Variants in CPQ observed in about 807,000 individuals in gnomAD.
CPQ encodes the protein Ser-Met dipeptidase.
Under a neutral mutation model 45.7 loss-of-function variants are expected in CPQ, and 37 were observed. The observed-to-expected ratio is 0.81, with a 90% CI of 0.62 to 1.07. CPQ has a LOEUF of 1.07. CPQ is among the 50% of genes least tolerant of loss of function. The pLI, the probability that CPQ is intolerant of heterozygous loss-of-function variation, is 0.00. For missense variants in CPQ, 537 were observed against 572.9 expected (o/e 0.94, Z 0.64); for synonymous variants, 186 against 205.8 (o/e 0.90, Z 0.82).
chr8:96,802,174 A>G (rs143322854), intron 2 of CPQ, among the ~76,000 whole-genome samples: 11 of 150,764 alleles, frequency 7.3e-5, no homozygotes, highest in African/African-American at 2.7e-4. Flanking sequence ...CCCCTCTCCT[A>G]GTTTCTGGTT....
At position 97,053,202 on chromosome 8, in the gene CPQ, A is replaced by G. The variant is rs1810391495; in HGVS notation, c.1054-12807A>G. Among the ~76,000 whole-genome samples, 6 of 152,298 alleles carry G rather than the reference A, an allele frequency of 3.9e-5. No homozygotes were observed. The South Asian group carries it at 1.2e-3, about 32-fold the overall frequency. ...ATATATTTATTCATTCAGTCAGCAC[A>G]TGTTTACTGAGAGCCTACTAAGTGC... is the stretch of plus-strand genomic sequence containing the variant. On this transcript the variant is annotated intron_variant, in intron 6 of 7. Coordinates refer to ENST00000220763, the MANE Select transcript of CPQ (RefSeq NM_016134.4).
At chr8:96,819,801 G>A (rs986660013) in intron 2 of CPQ, among the ~76,000 whole-genome samples, 3 of 151,994 alleles carry the variant, frequency 2.0e-5, no homozygotes, top group East Asian at 3.9e-4. Context: ...CCATGGCTTT[G>A]CTTGTGCTTT....
At chr8:96,975,938 A>G (rs996620385) in intron 5 of CPQ, among the ~76,000 whole-genome samples, 1 of 152,108 alleles carries the variant, frequency 6.6e-6, no homozygotes, top group African/African-American at 2.4e-5. Flanking sequence ...CAAGACAAGG[A>G]TTCCCATTTT....
intron 5 of CPQ, among the ~76,000 whole-genome samples, chr8:97,022,978 GTATATAGTATATA>G (rs1586499525): frequency 8.9e-5 from 4 of 45,086 alleles, no homozygotes; most frequent in East Asian, 4.7e-4. Flanking sequence ...TATATATACT[GTATATAGTATATA>G]TATACAGTAT....
chr8:96,877,072 A>G (rs1812155661), intron 3 of CPQ, among the ~76,000 whole-genome samples: 1 of 152,092 alleles, frequency 6.6e-6, no homozygotes, highest in African/African-American at 2.4e-5. Context: ...TGCTTTTATA[A>G]ATTGCAGAAG....
At chr8:97,128,318 T>TA (rs1351562108) in intron 7 of CPQ, among the ~76,000 whole-genome samples, 6 of 152,188 alleles carry the variant, frequency 3.9e-5, no homozygotes. Context: ...TCCTGGTGTG[T>TA]AAGTCCTAGC....
chr8:96,683,306 G>GT (rs1285860014), intron 1 of CPQ, among the ~76,000 whole-genome samples: 1 of 151,970 alleles, frequency 6.6e-6, no homozygotes, highest in Admixed American at 6.6e-5. Context: ...AGATGGCAGG[G>GT]TTTTTTCTTT....
intron 2 of CPQ, 68 bp downstream of exon 2, chr8:96,785,398 A>G (rs917815994): frequency 1.6e-6 from 2 of 1,212,364 alleles, no homozygotes; most frequent in East Asian, 2.4e-5. Flanking sequence ...AATTGAGTAC[A>G]ATATGCATGA....
chr8:97,102,583 G>GGT (rs1811332917), intron 7 of CPQ, among the ~76,000 whole-genome samples: 2 of 152,116 alleles, frequency 1.3e-5, no homozygotes, highest in African/African-American at 4.8e-5. Flanking sequence ...CCTGAGTTCA[G>GGT]GTATCAGCTG....
intron 5 of CPQ, among the ~76,000 whole-genome samples, chr8:97,000,270 T>C (rs557110235): frequency 7.6e-4 from 115 of 152,238 alleles, no homozygotes; most frequent in South Asian, 4.8e-3. Context: ...ATTTTGCTTC[T>C]GTGGCAGTTG....
chr8:97,027,059 T>C lies in CPQ; in HGVS notation c.962-2344T>C, dbSNP rs916950599. ...TTTTCTTGTGGATTTAAAAAATGTT[T>C]AGAATTTTTATTTGCAGCCTATAAA... is the stretch of plus-strand genomic sequence containing the variant. On this transcript the variant is annotated intron_variant, in intron 5 of 7. Coordinates refer to ENST00000220763, the MANE Select transcript of CPQ (RefSeq NM_016134.4). 4.6e-5 allele frequency among the ~76,000 whole-genome samples: 7 copies of C among 152,242 alleles called. No individual in the cohort carries two copies. The South Asian group carries it at 1.2e-3, about 27-fold the overall frequency.
intron 4 of CPQ, among the ~76,000 whole-genome samples, chr8:96,938,807 T>C (rs1337932306): frequency 6.6e-6 from 1 of 152,152 alleles, no homozygotes; most frequent in Non-Finnish European, 1.5e-5. Context: ...GGAGAGTGGA[T>C]CAGAGGGGCA....
chr8:96,663,556 G>A (rs1808878389), intron 1 of CPQ, among the ~76,000 whole-genome samples: 1 of 152,206 alleles, frequency 6.6e-6, no homozygotes, highest in Admixed American at 6.5e-5. Context: ...TATCCAGGCT[G>A]TGAGCACTTT....
intron 1 of CPQ, among the ~76,000 whole-genome samples, chr8:96,746,422 G>A (rs997248042): frequency 2.0e-5 from 3 of 152,100 alleles, no homozygotes; most frequent in Non-Finnish European, 4.4e-5. Flanking sequence ...GCCTTGCTTT[G>A]TTGACACATT....
At chr8:97,014,952 G>T (rs1279139384) in intron 5 of CPQ, among the ~76,000 whole-genome samples, 1 of 151,942 alleles carries the variant, frequency 6.6e-6, no homozygotes, top group East Asian at 1.9e-4. Flanking sequence ...TGTTGAAAAG[G>T]GATCCCAGAA....
At chr8:96,850,768 C>T (rs1383428014) in intron 3 of CPQ, among the ~76,000 whole-genome samples, 2 of 151,996 alleles carry the variant, frequency 1.3e-5, no homozygotes, top group Admixed American at 1.3e-4. Flanking sequence ...TGCCACCACA[C>T]CTGGCTAATT....
At chr8:96,795,849 T>A (rs1563499097) in intron 2 of CPQ, among the ~76,000 whole-genome samples, 2 of 152,028 alleles carry the variant, frequency 1.3e-5, no homozygotes, top group Non-Finnish European at 2.9e-5. Context: ...TTCTAGGAAG[T>A]TGTAGGAGAG....
At chr8:96,719,435 G>A (rs964573951) in intron 1 of CPQ, among the ~76,000 whole-genome samples, 35 of 152,150 alleles carry the variant, frequency 2.3e-4, no homozygotes, top group Admixed American at 8.5e-4. Flanking sequence ...CGCAAGCACC[G>A]CACGCAGTCC....
At chr8:97,084,409 A>C (rs1811006369) in intron 7 of CPQ, among the ~76,000 whole-genome samples, 1 of 152,148 alleles carries the variant, frequency 6.6e-6, no homozygotes, top group Non-Finnish European at 1.5e-5. Flanking sequence ...TGAGGGAATC[A>C]GGAAAAGGTG....
Sources: allele counts gnomAD v4.1 joint callset (sites outside exome capture counted in the v4.1 genomes callset), GRCh38; gene constraint gnomAD v4.1.1; transcripts MANE v1.5; gene names NCBI Gene and HGNC (gene_info 2026-07-23, HGNC 2026-07-21).